The following PLCL1 variants were observed in gnomAD, a reference collection of about 807,000 sequenced individuals.
PLCL1 encodes the protein phospholipase C like 1 (inactive).
Under a neutral mutation model 84.4 loss-of-function variants are expected in PLCL1, and 41 were observed. That is an observed-to-expected ratio of 0.49 (90% CI 0.38 to 0.63). The LOEUF is 0.63. Among genes scored for constraint, PLCL1 ranks in the 30% least tolerant of loss-of-function variants. The pLI, the probability that PLCL1 is intolerant of heterozygous loss-of-function variation, is 0.00. For synonymous variants in PLCL1, 490 were observed against 488.3 expected (o/e 1.00, Z -0.05); for missense variants, 1,206 against 1,367.8 (o/e 0.88, Z 1.87).
At chr2:198,105,089 T>C (rs1480959363) in intron 5 of PLCL1, among the ~76,000 whole-genome samples, 1 of 151,968 alleles carries the variant, frequency 6.6e-6, no homozygotes. Context: ...GAAATCTTTA[T>C]TAGGTCCTAT....
At chr2:198,081,315 G>A (rs1433336840) in intron 1 of PLCL1, among the ~76,000 whole-genome samples, 1 of 152,158 alleles carries the variant, frequency 6.6e-6, no homozygotes, top group Non-Finnish European at 1.5e-5. Flanking sequence ...TTTAAAAGCT[G>A]AGTCACAGTC....
chr2:197,900,809 C>T (rs1476963493), intron 1 of PLCL1, among the ~76,000 whole-genome samples: 1 of 152,124 alleles, frequency 6.6e-6, no homozygotes, highest in Admixed American at 6.6e-5. Flanking sequence ...GCAGTAAAAT[C>T]TAAGGGCTTT....
At chr2:197,808,077 C>T (rs576650896) in intron 1 of PLCL1, among the ~76,000 whole-genome samples, 9 of 152,266 alleles carry the variant, frequency 5.9e-5, no homozygotes, top group African/African-American at 2.2e-4. Flanking sequence ...TGTGTTTCTT[C>T]CCCACATATA....
chr2:197,965,673 G>A (rs1321202762), intron 1 of PLCL1, among the ~76,000 whole-genome samples: 1 of 151,836 alleles, frequency 6.6e-6, no homozygotes. Context: ...TTTGATGTAG[G>A]CACTTATAAC....
intron 1 of PLCL1, among the ~76,000 whole-genome samples, chr2:197,931,690 ACCCACCCAC>A (rs1688937463): frequency 7.2e-4 from 15 of 20,792 alleles, no homozygotes; most frequent in South Asian, 5.8e-3. Context: ...CCACCCACCC[ACCCACCCAC>A]CCAACCATCC....
At chr2:197,892,032 C>T (rs760520147) in intron 1 of PLCL1, among the ~76,000 whole-genome samples, 2 of 152,138 alleles carry the variant, frequency 1.3e-5, no homozygotes, top group South Asian at 2.1e-4. Flanking sequence ...GCTCACTTTG[C>T]GATCTGTTAT....
At chr2:197,847,790 C>T (rs1284811953) in intron 1 of PLCL1, among the ~76,000 whole-genome samples, 1 of 152,192 alleles carries the variant, frequency 6.6e-6, no homozygotes, top group African/African-American at 2.4e-5. Context: ...CTCAAGCTGT[C>T]TCCCTATTGT....
chr2:197,955,976 C>T (rs961221225), intron 1 of PLCL1, among the ~76,000 whole-genome samples: 1 of 151,764 alleles, frequency 6.6e-6, no homozygotes, highest in Non-Finnish European at 1.5e-5. Context: ...CCCTTGCCCC[C>T]CATCCTCTGA....
intron 1 of PLCL1, among the ~76,000 whole-genome samples, chr2:197,897,188 T>TCTTCTTCTTCTTCTC: frequency 4.9e-5 from 2 of 41,192 alleles, no homozygotes; most frequent in African/African-American, 1.9e-4. Flanking sequence ...TTCTTCTTCT[T>TCTTCTTCTTCTTCTC]CTCCTTCTCC....
At chr2:197,864,450 C>T (rs918153873) in intron 1 of PLCL1, among the ~76,000 whole-genome samples, 2 of 148,404 alleles carry the variant, frequency 1.3e-5, no homozygotes, top group South Asian at 2.1e-4. Context: ...TTAATAAATA[C>T]TTAATAATGT....
chr2:198,047,520 T>C (rs1691835819), intron 1 of PLCL1, among the ~76,000 whole-genome samples: 1 of 152,134 alleles, frequency 6.6e-6, no homozygotes, highest in African/African-American at 2.4e-5. Context: ...ATGATCAGTA[T>C]ATAGGGATGC....
At chr2:197,923,353 T>C (rs1334492015) in intron 1 of PLCL1, among the ~76,000 whole-genome samples, 1 of 143,712 alleles carries the variant, frequency 7.0e-6, no homozygotes, top group African/African-American at 2.6e-5. Flanking sequence ...GGCTCCTCAC[T>C]TCTCAGACGG....
At chr2:198,122,565 A>G (rs1693894072) in intron 5 of PLCL1, among the ~76,000 whole-genome samples, 1 of 152,086 alleles carries the variant, frequency 6.6e-6, no homozygotes, top group African/African-American at 2.4e-5. Flanking sequence ...CTTTGGTCTC[A>G]GTTACACTTT....
intron 1 of PLCL1, among the ~76,000 whole-genome samples, chr2:198,046,831 C>A (rs1451945039): frequency 6.6e-6 from 1 of 152,064 alleles, no homozygotes; most frequent in Non-Finnish European, 1.5e-5. Context: ...AGAGTGAGAC[C>A]TTTTCTTTAA....
chr2:198,006,452 C>T (rs1053258711), intron 1 of PLCL1, among the ~76,000 whole-genome samples: 4 of 152,066 alleles, frequency 2.6e-5, no homozygotes, highest in Non-Finnish European at 5.9e-5. Context: ...ATATATATGT[C>T]CCAAATGCCC....
chr2:198,086,285 A>G (rs976441619), intron 2 of PLCL1, 53 bp downstream of exon 2: 13 of 1,226,118 alleles, frequency 1.1e-5, no homozygotes, highest in Admixed American at 2.2e-5. Flanking sequence ...TCCTACCCGT[A>G]TAATGTTTTA....
At chr2:197,928,768 G>T (rs984620035) in intron 1 of PLCL1, among the ~76,000 whole-genome samples, 1 of 152,054 alleles carries the variant, frequency 6.6e-6, no homozygotes, top group African/African-American at 2.4e-5. Context: ...TCATAAACAT[G>T]ATATTTATAA....
At chr2:197,930,300 C>T (rs1055903919) in intron 1 of PLCL1, among the ~76,000 whole-genome samples, 14 of 152,138 alleles carry the variant, frequency 9.2e-5, no homozygotes, top group Admixed American at 2.6e-4. Flanking sequence ...GGGAAACATA[C>T]AATTTTGGTA....
At chr2:197,847,317 T>C (rs530910422) in intron 1 of PLCL1, among the ~76,000 whole-genome samples, 2 of 152,260 alleles carry the variant, frequency 1.3e-5, no homozygotes, top group South Asian at 4.1e-4. Flanking sequence ...TGAAAGAACA[T>C]ATAATAAATG....
Sources: allele counts gnomAD v4.1 joint callset (sites outside exome capture counted in the v4.1 genomes callset), GRCh38; gene constraint gnomAD v4.1.1; transcripts MANE v1.5; gene names NCBI Gene and HGNC (gene_info 2026-07-23, HGNC 2026-07-21).